Variants in PARD3B observed in about 807,000 individuals in gnomAD.
PARD3B encodes the protein partitioning defective 3 homolog B.
In PARD3B, 103 loss-of-function variants were observed where a neutral mutation model predicts 130.2. The observed-to-expected ratio is 0.79, with a 90% CI of 0.67 to 0.93. The LOEUF (loss-of-function observed/expected upper bound fraction) is 0.93. Ranked by LOEUF, PARD3B falls within the 40% of genes least tolerant of loss-of-function variation. The pLI is 0.00. For missense variants in PARD3B, 1,609 were observed against 1,499.2 expected, an observed-to-expected ratio of 1.07 and a Z score of -1.21; for synonymous variants, 583 against 553.2, an observed-to-expected ratio of 1.05 and a Z score of -0.76.
At chr2:205,019,501 A>G (rs2125328362) in intron 3 of PARD3B, among the ~76,000 whole-genome samples, 2 of 152,200 alleles carry the variant, frequency 1.3e-5, no homozygotes, top group South Asian at 4.2e-4. Flanking sequence ...ATATATACCT[A>G]GGAGTGGAAT....
chr2:204,593,043 A>G (rs55970367), intron 1 of PARD3B, among the ~76,000 whole-genome samples: 4,322 of 152,148 alleles, frequency 0.028, 206 homozygotes, highest in African/African-American at 0.097. Flanking sequence ...GGACATTTGG[A>G]TTGTTTCCAC....
At chr2:204,734,992 A>C (rs899477450) in intron 2 of PARD3B, among the ~76,000 whole-genome samples, 3 of 150,604 alleles carry the variant, frequency 2.0e-5, no homozygotes, top group Non-Finnish European at 4.4e-5. Context: ...AAAAGGAAAA[A>C]AGGAAAACCT....
intron 18 of PARD3B, among the ~76,000 whole-genome samples, chr2:205,392,268 A>C (rs2045886733): frequency 6.6e-6 from 1 of 152,184 alleles, no homozygotes; most frequent in African/African-American, 2.4e-5. Context: ...TTTAATCCTA[A>C]AAACAAACAT....
chr2:204,805,937 C>G (rs2042750980), intron 2 of PARD3B, among the ~76,000 whole-genome samples: 1 of 151,948 alleles, frequency 6.6e-6, no homozygotes, highest in Admixed American at 6.6e-5. Flanking sequence ...CCACATATGG[C>G]AGACCCACAG....
At chr2:205,353,762 G>A (rs1476490207) in intron 18 of PARD3B, among the ~76,000 whole-genome samples, 1 of 152,058 alleles carries the variant, frequency 6.6e-6, no homozygotes, top group Non-Finnish European at 1.5e-5. Context: ...CTCCAAATTG[G>A]TAGCTGCCTG....
At chr2:205,194,892 T>C (rs1180015639) in intron 15 of PARD3B, among the ~76,000 whole-genome samples, 1 of 151,238 alleles carries the variant, frequency 6.6e-6, no homozygotes, top group Admixed American at 6.6e-5. Flanking sequence ...CAAGTGATTC[T>C]CCTACCTCAG....
At chr2:205,131,669 A>T (rs1433636577) in intron 10 of PARD3B, among the ~76,000 whole-genome samples, 2 of 152,210 alleles carry the variant, frequency 1.3e-5, no homozygotes, top group Non-Finnish European at 2.9e-5. Flanking sequence ...AAGAGACTTG[A>T]GAATTGAATA....
intron 16 of PARD3B, among the ~76,000 whole-genome samples, chr2:205,277,940 A>G (rs1208749729): frequency 6.6e-6 from 1 of 152,152 alleles, no homozygotes; most frequent in Non-Finnish European, 1.5e-5. Context: ...CCTTGGAGAA[A>G]GCCCACATTT....
chr2:205,565,344 A>T (rs1034601917), intron 22 of PARD3B, among the ~76,000 whole-genome samples: 2 of 152,222 alleles, frequency 1.3e-5, no homozygotes, highest in African/African-American at 4.8e-5. Context: ...GTTGGTATCA[A>T]GCTTCTTGGT....
At chr2:204,708,908 A>T (rs1265380878) in intron 2 of PARD3B, among the ~76,000 whole-genome samples, 1 of 152,148 alleles carries the variant, frequency 6.6e-6, no homozygotes, top group African/African-American at 2.4e-5. Flanking sequence ...GTCCACCTGG[A>T]CTGTGGAATG....
rs17450428 is a variant in PARD3B at position 204,687,993 on chromosome 2, A to G, written c.222+1711A>G. Among the ~76,000 whole-genome samples, 1,422 of 152,284 alleles carry G rather than the reference A, an allele frequency of 9.3e-3. 16 individuals carry two copies. Among genetic ancestry groups the G allele is most frequent in the Middle Eastern group, 0.031 (9 of 294 alleles). On this transcript the variant is annotated intron_variant, in intron 2 of 22. Transcript: ENST00000406610. Reference sequence around the variant, plus strand: ...CACATTTAGAGCATTCTTTTAAACTATCTCAGCAATGCAGTTTATAACCAT... The same window carrying G: ...CACATTTAGAGCATTCTTTTAAACTGTCTCAGCAATGCAGTTTATAACCAT...
At chr2:205,194,942 C>A (rs899105588) in intron 15 of PARD3B, among the ~76,000 whole-genome samples, 1 of 138,390 alleles carries the variant, frequency 7.2e-6, no homozygotes, top group Non-Finnish European at 1.5e-5. Context: ...TGCCACCACG[C>A]CAGGCTAATT....
At chr2:205,209,765 C>T (rs1174869146) in intron 15 of PARD3B, among the ~76,000 whole-genome samples, 2 of 151,602 alleles carry the variant, frequency 1.3e-5, no homozygotes, top group African/African-American at 2.4e-5. Context: ...TTTTTAGATG[C>T]AGTAGTTGCA....
intron 2 of PARD3B, among the ~76,000 whole-genome samples, chr2:204,780,924 G>A (rs980187634): frequency 3.3e-5 from 5 of 151,818 alleles, no homozygotes; most frequent in East Asian, 1.9e-4. Flanking sequence ...TGTGAAGCTC[G>A]GCAAGGATTG....
intron 15 of PARD3B, among the ~76,000 whole-genome samples, chr2:205,212,749 G>A (rs2037709995): frequency 6.6e-6 from 1 of 152,116 alleles, no homozygotes; most frequent in South Asian, 2.1e-4. Context: ...GAATGGTAAA[G>A]ATAACCTCTG....
At chr2:204,841,834 AT>A (rs1275256004) in intron 2 of PARD3B, among the ~76,000 whole-genome samples, 1 of 152,078 alleles carries the variant, frequency 6.6e-6, no homozygotes, top group African/African-American at 2.4e-5. Flanking sequence ...TAATTAGCTA[AT>A]TTTTTTGCAG....
chr2:204,734,124 C>G (rs949992790), intron 2 of PARD3B, among the ~76,000 whole-genome samples: 1 of 152,066 alleles, frequency 6.6e-6, no homozygotes, highest in South Asian at 2.1e-4. Context: ...TTTAAATAGA[C>G]ATATTTCCAA....
intron 15 of PARD3B, among the ~76,000 whole-genome samples, chr2:205,199,247 C>A (rs915020218): frequency 2.6e-5 from 4 of 151,978 alleles, no homozygotes; most frequent in African/African-American, 9.7e-5. Context: ...AGAACCCCAA[C>A]AGGAAAGAAA....
At chr2:204,758,314 G>T (rs2040762088) in intron 2 of PARD3B, among the ~76,000 whole-genome samples, 1 of 152,090 alleles carries the variant, frequency 6.6e-6, no homozygotes, top group South Asian at 2.1e-4. Context: ...AAGCACAAAG[G>T]CATGAATCCC....
Sources: gnomAD v4.1 joint callset for allele counts (sites outside exome capture counted in the v4.1 genomes callset) on GRCh38, gnomAD v4.1.1 for gene constraint, MANE v1.5 for transcripts, NCBI Gene and HGNC (gene_info 2026-07-23, HGNC 2026-07-21) for gene names.